Variants in FALEC observed in about 807,000 individuals in gnomAD.
FALEC encodes the protein focally amplified lncRNA on chromosome 1.
the FALEC span, among the ~76,000 whole-genome samples, chr1:150,528,683 G>A: frequency 2.0e-5 from 3 of 150,868 alleles, no homozygotes; most frequent in Non-Finnish European, 2.9e-5. Context: ...CCAGGTTCAC[G>A]CCATTCTCCT....
the FALEC span, among the ~76,000 whole-genome samples, chr1:150,535,741 C>T: frequency 2.0e-5 from 3 of 152,198 alleles, no homozygotes; most frequent in Admixed American, 6.5e-5. Flanking sequence ...AGCCTGTAAA[C>T]GCTCTGCCTG....
downstream of FALEC, among the ~76,000 whole-genome samples, chr1:150,521,303 A>C (rs958620403): frequency 6.6e-6 from 1 of 152,206 alleles, no homozygotes; most frequent in Non-Finnish European, 1.5e-5. Flanking sequence ...GAGAATGCCA[A>C]AGTGGTTGTA....
At chr1:150,529,367 A>ATTACCC in the FALEC span, among the ~76,000 whole-genome samples, 7 of 152,194 alleles carry the variant, frequency 4.6e-5, no homozygotes, top group Admixed American at 4.6e-4. Context: ...TCAGCCCCAA[A>ATTACCC]ATGGGGGCTT....
downstream of FALEC, among the ~76,000 whole-genome samples, chr1:150,521,615 T>G (rs1437539213): frequency 1.3e-5 from 2 of 152,258 alleles, 1 homozygote; most frequent in Admixed American, 1.3e-4. Flanking sequence ...TTTTGACATT[T>G]ACTGGGAGGT....
At chr1:150,532,222 A>G in the FALEC span, among the ~76,000 whole-genome samples, 2 of 152,068 alleles carry the variant, frequency 1.3e-5, no homozygotes, top group African/African-American at 2.4e-5. Context: ...TTGCTTTTTT[A>G]AAGTTGGTTT....
At chr1:150,532,259 C>G in the FALEC span, among the ~76,000 whole-genome samples, 1 of 152,060 alleles carries the variant, frequency 6.6e-6, no homozygotes, top group African/African-American at 2.4e-5. Flanking sequence ...GACCCAGGAA[C>G]GAAAGCGCAG....
chr1:150,518,689 T>C (rs1288554625), downstream of FALEC, among the ~76,000 whole-genome samples: 1 of 151,072 alleles, frequency 6.6e-6, no homozygotes, highest in Non-Finnish European at 1.5e-5. Context: ...TGCCCAGCAA[T>C]AGAGTTACAC....
At chr1:150,516,778 T>C (rs1570890531) in intron 1 of FALEC, among the ~76,000 whole-genome samples, 2 of 152,256 alleles carry the variant, frequency 1.3e-5, no homozygotes, top group East Asian at 1.9e-4. Flanking sequence ...AAGCATTGAA[T>C]GTATGCAAAG....
the FALEC span, among the ~76,000 whole-genome samples, chr1:150,526,856 G>C: frequency 6.6e-6 from 1 of 151,376 alleles, no homozygotes; most frequent in Non-Finnish European, 1.5e-5. Context: ...GGATGGTCTC[G>C]ATCTCCTGAC....
downstream of FALEC, among the ~76,000 whole-genome samples, chr1:150,522,910 T>TACATATATAC (rs1670669003): frequency 9.0e-6 from 1 of 111,310 alleles, no homozygotes; most frequent in African/African-American, 4.0e-5. Flanking sequence ...TATACATATA[T>TACATATATAC]ATACATATAT....
At chr1:150,522,878 T>TATATATACGTATATATAC (rs1553907913), downstream of FALEC, among the ~76,000 whole-genome samples, 2 of 92,956 alleles carry the variant, frequency 2.2e-5, no homozygotes, top group East Asian at 5.3e-4. Flanking sequence ...TATATATACA[T>TATATATACGTATATATAC]ATATATATAC....
chr1:150,522,926 CATATATATGTGTGTGTGTGT>C (rs1395086063), downstream of FALEC, among the ~76,000 whole-genome samples: 1 of 42,286 alleles, frequency 2.4e-5, no homozygotes, highest in African/African-American at 1.2e-4. Context: ...TATATATATA[CATATATATGTGTGTGTGTGT>C]GTGTATATAT....
the FALEC span, among the ~76,000 whole-genome samples, chr1:150,530,866 G>A: frequency 6.6e-6 from 1 of 152,050 alleles, no homozygotes; most frequent in Non-Finnish European, 1.5e-5. Context: ...TGTCCATAAC[G>A]CCTTCCTAAT....
chr1:150,532,039 T>C, the FALEC span, among the ~76,000 whole-genome samples: 132 of 152,302 alleles, frequency 8.7e-4, no homozygotes, highest in African/African-American at 3.0e-3. Flanking sequence ...CCCGAGTAGC[T>C]GGGACTACAG....
At chr1:150,521,432 A>C (rs1325749843), downstream of FALEC, among the ~76,000 whole-genome samples, 3 of 152,240 alleles carry the variant, frequency 2.0e-5, no homozygotes, top group African/African-American at 7.2e-5. Flanking sequence ...ATGGTACCTC[A>C]GTATGGGTTT....
At chr1:150,527,383 C>T in the FALEC span, among the ~76,000 whole-genome samples, 6 of 151,836 alleles carry the variant, frequency 4.0e-5, no homozygotes, top group Non-Finnish European at 5.9e-5. Context: ...CTCAGCCTCC[C>T]GAGTAGCTGG....
the FALEC span, among the ~76,000 whole-genome samples, chr1:150,525,567 T>C: frequency 2.6e-5 from 4 of 152,246 alleles, no homozygotes; most frequent in African/African-American, 9.6e-5. Flanking sequence ...CACTTAAAAC[T>C]TAAATCTGTT....
At chr1:150,521,099 C>T (rs1446891840), downstream of FALEC, among the ~76,000 whole-genome samples, 1 of 152,052 alleles carries the variant, frequency 6.6e-6, no homozygotes, top group Non-Finnish European at 1.5e-5. Flanking sequence ...CCACGCCCGG[C>T]CTCATTTTCA....
chr1:150,534,119 G>A, the FALEC span, among the ~76,000 whole-genome samples: 1 of 152,202 alleles, frequency 6.6e-6, no homozygotes, highest in African/African-American at 2.4e-5. Context: ...CCCAGGGTCA[G>A]ATCCTAACCC....
Sources: gnomAD v4.1 joint callset for allele counts (sites outside exome capture counted in the v4.1 genomes callset) on GRCh38, gnomAD v4.1.1 for gene constraint, MANE v1.5 for transcripts, NCBI Gene and HGNC (gene_info 2026-07-23, HGNC 2026-07-21) for gene names.